Variants in ST3GAL5 observed in about 807,000 individuals in gnomAD.
ST3GAL5 encodes the protein ST3 beta-galactoside alpha-2,3-sialyltransferase 5.
In ST3GAL5, 25 loss-of-function variants were observed where a neutral mutation model predicts 46.1. That is an observed-to-expected ratio of 0.54 (90% CI 0.40 to 0.76). The LOEUF (loss-of-function observed/expected upper bound fraction) is 0.76. Among genes scored for constraint, ST3GAL5 ranks in the 30% least tolerant of loss-of-function variants. ST3GAL5 has a pLI of 0.00. For missense variants in ST3GAL5, 431 were observed against 521.2 expected, an observed-to-expected ratio of 0.83 and a Z score of 1.69; for synonymous variants, 182 against 192.7, an observed-to-expected ratio of 0.94 and a Z score of 0.46.
chr2:85,874,169 T>C (rs1686266443), intron 1 of ST3GAL5, among the ~76,000 whole-genome samples: 1 of 152,248 alleles, frequency 6.6e-6, no homozygotes, highest in Non-Finnish European at 1.5e-5. Context: ...ATTCTCGTGC[T>C]TTTTAATCTA....
At chr2:85,844,955 C>T (rs148333030) in intron 5 of ST3GAL5, 53 of 256,740 alleles carry the variant, frequency 2.1e-4, no homozygotes, top group African/African-American at 1.1e-3. Context: ...CCCATGAAGT[C>T]GTTTCATATA....
intron 1 of ST3GAL5, among the ~76,000 whole-genome samples, chr2:85,879,507 G>GC (rs1293469857): frequency 1.3e-5 from 2 of 152,172 alleles, no homozygotes; most frequent in Non-Finnish European, 2.9e-5. Flanking sequence ...CCCTAGAACT[G>GC]CCCCTCCCCC....
chr2:85,855,351 C>T (rs1361473029), intron 3 of ST3GAL5: 3 of 152,506 alleles, frequency 2.0e-5, no homozygotes, highest in South Asian at 2.1e-4. Context: ...GTGAGGCTTC[C>T]CCTGCCATGT....
At chr2:85,851,672 G>T (rs769936005) in intron 3 of ST3GAL5, 1 of 1,289,420 alleles carries the variant, frequency 7.8e-7, no homozygotes, top group Non-Finnish European at 1.0e-6. Flanking sequence ...TCAGAAGAAA[G>T]TGCCTCAAGG....
Position 85,838,883 on chromosome 2 carries a change from G to A in ST3GAL5, c.*1261C>T, listed in dbSNP as rs947950127. On this transcript the variant is annotated 3_prime_UTR_variant, in exon 7 of 7. Transcript: ENST00000638572. ...GGGGCAGGCTGGGAACAGAGTAGCA[G>A]ATCTTCTGATATCAGAGGCTAGAGC... 1.3e-5 allele frequency: 2 copies of A among 152,334 alleles called. No homozygotes were observed. The highest frequency in any genetic ancestry group is 2.9e-5 in the Non-Finnish European group (2 of 68,138). 9.4% of individuals were successfully genotyped at this position (152,334 alleles called of 1,614,324 possible).
rs760549214 is a variant in ST3GAL5 at position 85,867,639 on chromosome 2, G to GGATAATGGTTGCCCATGC, written c.83-4172_83-4155dup. 7.7e-6 allele frequency: 6 copies of GGATAATGGTTGCCCATGC among 780,870 alleles called. No individual in the cohort carries two copies. The East Asian group carries it at 1.2e-4, about 16-fold the overall frequency. The allele number at this position is 780,870 out of a possible 1,614,324, so 48.4% of individuals were successfully genotyped here. A position where few individuals can be genotyped will look rare whatever the true frequency, so the allele number is the denominator to read the frequency against. On this transcript the variant is annotated intron_variant, in intron 1 of 6. Coordinates refer to ENST00000638572, the MANE Select transcript of ST3GAL5 (RefSeq NM_003896.4). ...CCATGTCCTGGGTGGCGGCGAGACAGGATAATGGTTGCCCATGCTATTACT... is the reference window on the plus strand; with the variant it reads ...CCATGTCCTGGGTGGCGGCGAGACAGGATAATGGTTGCCCATGCGATAATGGTTGCCCATGCTATTACT...
intron 2 of ST3GAL5, among the ~76,000 whole-genome samples, chr2:85,861,957 G>A (rs1352228476): frequency 1.3e-5 from 2 of 151,662 alleles, no homozygotes; most frequent in Non-Finnish European, 2.9e-5. Flanking sequence ...AAGAACCACT[G>A]CTTTAAACAA....
intron 4 of ST3GAL5, chr2:85,847,656 C>A (rs751687205): frequency 7.6e-7 from 1 of 1,321,830 alleles, no homozygotes; most frequent in Non-Finnish European, 9.8e-7. Context: ...AAATTAGCCA[C>A]GCGTGGTGTG....
chr2:85,851,311 G>A (rs1683476936), intron 3 of ST3GAL5: 3 of 1,163,298 alleles, frequency 2.6e-6, no homozygotes, highest in Non-Finnish European at 3.2e-6. Flanking sequence ...GGATGCAGTA[G>A]TAAATCCTGA....
At chr2:85,846,110 T>C (rs112019037) in intron 5 of ST3GAL5, 2 of 405,468 alleles carry the variant, frequency 4.9e-6, no homozygotes. Context: ...GCAGGAGAAT[T>C]GCTTGAACCT....
chr2:85,884,563 C>A (rs1232535049), intron 1 of ST3GAL5, among the ~76,000 whole-genome samples: 1 of 152,132 alleles, frequency 6.6e-6, no homozygotes, highest in Non-Finnish European at 1.5e-5. Flanking sequence ...CACATCAGTC[C>A]CTAAGTCCTG....
At chr2:85,854,248 A>C (rs1459094638) in intron 3 of ST3GAL5, 1 of 152,162 alleles carries the variant, frequency 6.6e-6, no homozygotes, top group Admixed American at 6.6e-5. Context: ...GCTGCTGCTC[A>C]GTTTTGCTTA....
At chr2:85,851,968 G>A (rs1683566305) in intron 3 of ST3GAL5, among the ~76,000 whole-genome samples, 1 of 152,242 alleles carries the variant, frequency 6.6e-6, no homozygotes, top group Non-Finnish European at 1.5e-5. Context: ...ATCTGGTAGT[G>A]CCAATTGTTA....
rs1327344429 is a variant in ST3GAL5, at chr2:85,838,645, G to A, written c.*1499C>T. The A allele has an allele frequency of 6.6e-6, 1 of 152,360 alleles. No individual in the cohort carries two copies. Among genetic ancestry groups the A allele is most frequent in the African/African-American group, 2.4e-5 (1 of 41,454 alleles). 9.4% of individuals were successfully genotyped at this position (152,360 alleles called of 1,614,324 possible). A position where few individuals can be genotyped will look rare whatever the true frequency, so the allele number is the denominator to read the frequency against. On this transcript the variant is annotated 3_prime_UTR_variant, in exon 7 of 7. Coordinates refer to ENST00000638572, the MANE Select transcript of ST3GAL5 (RefSeq NM_003896.4). ...ACTCTGAGCTGGATCCCAGACCCCA[G>A]GAGACAGAAGGGACTCTGCTTTGAA...
chr2:85,854,540 T>A (rs1009059517), intron 3 of ST3GAL5: 1 of 152,188 alleles, frequency 6.6e-6, no homozygotes, highest in Non-Finnish European at 1.5e-5. Flanking sequence ...CAGTGGATGT[T>A]TAGGTTGAAG....
chr2:85,847,744 G>C, intron 4 of ST3GAL5, 117 bp downstream of exon 4: 1 of 1,422,028 alleles, frequency 7.0e-7, no homozygotes, highest in South Asian at 1.3e-5. Flanking sequence ...GCAGTGAGCT[G>C]AGATCACACC....
chr2:85,868,052 G>T, intron 1 of ST3GAL5: 1 of 217,848 alleles, frequency 4.6e-6, no homozygotes, highest in Non-Finnish European at 9.5e-6. Context: ...ACAAGAGAAG[G>T]GCCAAGCTGG....
chr2:85,869,464 A>C (rs1685674692), intron 1 of ST3GAL5, among the ~76,000 whole-genome samples: 1 of 151,630 alleles, frequency 6.6e-6, no homozygotes, highest in African/African-American at 2.4e-5. Flanking sequence ...TCACTTAGGG[A>C]GGAAATCCTT....
chr2:85,877,433 A>G (rs974079036), intron 1 of ST3GAL5, among the ~76,000 whole-genome samples: 9 of 152,362 alleles, frequency 5.9e-5, no homozygotes, highest in African/African-American at 2.2e-4. Context: ...TTTTGTAGAA[A>G]GTCCCTCAAC....
Sources: allele counts gnomAD v4.1 joint callset (sites outside exome capture counted in the v4.1 genomes callset), GRCh38; gene constraint gnomAD v4.1.1; transcripts MANE v1.5; gene names NCBI Gene and HGNC (gene_info 2026-07-23, HGNC 2026-07-21).